OSBPL7: variants seen among roughly 807,000 people sequenced by gnomAD.
The protein encoded by OSBPL7 is oxysterol-binding protein-related protein 7.
OSBPL7 carries 66 observed loss-of-function variants against 115.8 expected under a neutral mutation model. The observed-to-expected ratio is 0.57, with a 90% CI of 0.47 to 0.70. The LOEUF (loss-of-function observed/expected upper bound fraction) is 0.70. OSBPL7 is among the 30% of genes least tolerant of loss of function. The pLI is 0.00. For missense variants in OSBPL7, 902 were observed against 1,125.5 expected (o/e 0.80, Z 2.84); for synonymous variants, 441 against 439.2 (o/e 1.00, Z -0.05).
At position 47,807,420 on chromosome 17, in the gene OSBPL7, C is replaced by T. The variant is rs1330872088; in HGVS notation, c.*871G>A. On this transcript the variant is annotated 3_prime_UTR_variant, in exon 23 of 23. Transcript: ENST00000007414. ...TTGGAATGTCATAGCAATTCGCCCT[C>T]ATCAGAGGCAGACTGTGAGAAAGAG... The T allele has an allele frequency of 6.6e-6, 1 of 152,650 alleles. No homozygotes were observed. Among genetic ancestry groups the T allele is most frequent in the African/African-American group, 2.4e-5 (1 of 41,448 alleles). 9.5% of individuals were successfully genotyped at this position (152,650 alleles called of 1,614,324 possible).
Position 47,815,218 on chromosome 17 carries a change from A to T in OSBPL7, c.1254T>A (p.Asn418Lys). Residue 418 changes from asparagine to lysine, a missense_variant, in exon 13 of 23, where the codon AAT becomes AAA. Asn to Lys is a moderately conservative substitution (Grantham distance 94). Around this residue, in one of 3 missense-constraint regions of OSBPL7, gnomAD observed 667 missense variants for 788.7 expected, o/e 0.85. Transcript: ENST00000007414. ...GCCAGCTTCTCTCCTCCCTCACCTC[A>T]TTCTCAGAAGAGCTGGCGGAGAGGA... ...EVLLSASSSE[N>K]EGSEEEESCT... 6.2e-7 allele frequency: 1 copy of T among 1,611,994 alleles called. No homozygotes were observed. The highest frequency in any genetic ancestry group is 8.5e-7 in the Non-Finnish European group (1 of 1,178,628).
intron 1 of OSBPL7, chr17:47,820,574 G>C (rs1424418802): frequency 3.0e-6 from 1 of 338,574 alleles, no homozygotes. Flanking sequence ...CACAGCAGAC[G>C]GGCAGGTGCC....
Position 47,814,501 on chromosome 17 carries a change from C to T in OSBPL7, c.1351+20G>A. 2 of 1,352,890 alleles carry T rather than the reference C, an allele frequency of 1.5e-6. No homozygotes were observed. Among genetic ancestry groups the T allele is most frequent in the Non-Finnish European group, 2.1e-6 (2 of 954,578 alleles). 83.8% of individuals were successfully genotyped at this position (1,352,890 alleles called of 1,614,324 possible). A position where few individuals can be genotyped will look rare whatever the true frequency, so the allele number is the denominator to read the frequency against. On this transcript the variant is annotated intron_variant, in intron 14 of 22. Transcript: ENST00000007414. ...TCCACCCGCCTCCCACCCCTCCCTGCCTGCCCACCCAGCTGGCACCTTTCT... is the reference window on the plus strand; with the variant it reads ...TCCACCCGCCTCCCACCCCTCCCTGTCTGCCCACCCAGCTGGCACCTTTCT...
In OSBPL7 at chr17:47,808,220, C is replaced by T. The variant is rs2032916031; in HGVS notation, c.*71G>A. The T allele has an allele frequency of 1.6e-6, 2 of 1,240,088 alleles. No homozygotes were observed. The highest frequency in any genetic ancestry group is 1.2e-6 in the Non-Finnish European group (1 of 857,458). 76.8% of individuals were successfully genotyped at this position (1,240,088 alleles called of 1,614,324 possible). Reference sequence around the variant, plus strand: ...AGTGAGGCGGGGAGCCCGGCCTCACCCATGTGTCCATGGTAGGGGGTGGAG... The same window carrying T: ...AGTGAGGCGGGGAGCCCGGCCTCACTCATGTGTCCATGGTAGGGGGTGGAG... On this transcript the variant is annotated 3_prime_UTR_variant, in exon 23 of 23. Transcript: ENST00000007414. The surrounding 1 kb of genome is among the most constrained non-coding windows in gnomAD (Gnocchi z 6.1).
intron 7 of OSBPL7, 122 bp downstream of exon 7, chr17:47,818,147 G>A (rs2033282489): frequency 4.9e-6 from 4 of 823,722 alleles, no homozygotes; most frequent in Non-Finnish European, 7.6e-6. Context: ...GATCTCCTTG[G>A]AGGCAGAGGC....
At chr17:47,814,871 G>A in intron 13 of OSBPL7, 1 of 572,112 alleles carries the variant, frequency 1.7e-6, no homozygotes. Flanking sequence ...GACACAGAGG[G>A]AAGGGAAGTT....
intron 7 of OSBPL7, 117 bp from the exon 8 acceptor site, chr17:47,817,476 G>A (rs1454737486): frequency 9.2e-6 from 6 of 649,150 alleles, no homozygotes; most frequent in African/African-American, 1.9e-5. Context: ...TGCAACCTCT[G>A]CCTCCCAGGT....
rs752746056 is a variant in OSBPL7, at chr17:47,815,207, T to C, written c.1257+8A>G. The C allele has an allele frequency of 1.2e-6, 2 of 1,602,776 alleles. No individual in the cohort carries two copies. The highest frequency in any genetic ancestry group is 2.7e-5 in the African/African-American group (2 of 74,868). On this transcript the variant is annotated splice_region_variant and intron_variant, in intron 13 of 22. Coordinates refer to ENST00000007414, the MANE Select transcript of OSBPL7 (RefSeq NM_145798.3). The stretch of plus-strand genomic sequence containing the variant: ...CCCGCCTCACTGCCAGCTTCTCTCC[T>C]CCCTCACCTCATTCTCAGAAGAGCT...
chr17:47,812,197 C>A (rs183866371), intron 16 of OSBPL7, among the ~76,000 whole-genome samples: 2 of 152,190 alleles, frequency 1.3e-5, no homozygotes, highest in East Asian at 1.9e-4. Context: ...GTAATCCAGT[C>A]TCTGTCCCCA....
intron 16 of OSBPL7, among the ~76,000 whole-genome samples, chr17:47,812,685 T>G (rs915875339): frequency 6.6e-6 from 1 of 152,162 alleles, no homozygotes; most frequent in African/African-American, 2.4e-5. Flanking sequence ...ACAGCCTAAG[T>G]GCAGGGACTC....
chr17:47,814,610 G>A lies in OSBPL7; in HGVS notation c.1262C>T (p.Ser421Leu), dbSNP rs764708102. 4 of 1,613,744 alleles carry A rather than the reference G, an allele frequency of 2.5e-6. No individual in the cohort carries two copies. The highest frequency in any genetic ancestry group is 1.7e-5 in the Admixed American group (1 of 59,984). Reference sequence around the variant, plus strand: ...ACTGGTACAGGACTCCTCCTCCTCTGAGCCCTGGGCCAGGACAGATGACAG... The same window carrying A: ...ACTGGTACAGGACTCCTCCTCCTCTAAGCCCTGGGCCAGGACAGATGACAG... ...LSASSSENEG[S>L]EEEESCTSEI... is the part of the protein sequence containing the mutation. The change falls in exon 14 of 23, where the codon TCA becomes TTA. Residue 421 changes from serine (S) to leucine (L), a missense_variant. Ser to Leu is a moderately radical substitution (Grantham distance 145). This residue lies in a region of OSBPL7 where 667 missense variants were observed against 788.7 expected (regional missense o/e 0.85). Transcript: ENST00000007414.
At chr17:47,819,855 A>G in intron 3 of OSBPL7, 73 bp from the exon 4 acceptor site, 29 of 1,610,214 alleles carry the variant, frequency 1.8e-5, no homozygotes, top group Non-Finnish European at 2.5e-5. Context: ...GCAACCACAC[A>G]AATTAGCTTT....
intron 3 of OSBPL7, 38 bp downstream of exon 3, chr17:47,819,933 C>A: frequency 6.3e-7 from 1 of 1,586,068 alleles, no homozygotes; most frequent in South Asian, 1.1e-5. Flanking sequence ...CCACCCCGCC[C>A]CCCATGTCTG....
chr17:47,812,037 TCCAA>T (rs2033058870), intron 16 of OSBPL7, among the ~76,000 whole-genome samples: 1 of 134,890 alleles, frequency 7.4e-6, no homozygotes, highest in Admixed American at 7.2e-5. Context: ...ACACTTCAAA[TCCAA>T]ACAAACAAAC....
chr17:47,814,485 C>CAA, intron 14 of OSBPL7, 36 bp downstream of exon 14: 30 of 1,089,480 alleles, frequency 2.8e-5, no homozygotes, highest in East Asian at 7.4e-5. Flanking sequence ...TTCCACCCGC[C>CAA]TCCCACCCCT....
intron 14 of OSBPL7, 40 bp downstream of exon 14, chr17:47,814,481 C>T: frequency 9.8e-7 from 1 of 1,023,918 alleles, no homozygotes; most frequent in Non-Finnish European, 1.5e-6. Flanking sequence ...GTTTTTCCAC[C>T]CGCCTCCCAC....
At chr17:47,817,442 T>C (rs1210721938) in intron 7 of OSBPL7, 83 bp from the exon 8 acceptor site, 11 of 934,466 alleles carry the variant, frequency 1.2e-5, no homozygotes, top group Non-Finnish European at 1.6e-5. Flanking sequence ...CAGGCTAGAG[T>C]GGAATGGCGT....
rs777587999 is a variant in OSBPL7 at position 47,820,135 on chromosome 17, C to A, written c.76-39G>T. 5 of 1,613,250 alleles carry A rather than the reference C, an allele frequency of 3.1e-6. No individual in the cohort carries two copies. In the Admixed American group the frequency reaches 5.0e-5, roughly 16 times the overall value. ...CAGAGGGAGGGGAGCACTGGTGAGA[C>A]GTCCGCCTTGGCCCCTCCCTGTCTG... is the stretch of plus-strand genomic sequence containing the variant. On this transcript the variant is annotated intron_variant, in intron 2 of 22. Transcript: ENST00000007414.
At position 47,808,191 on chromosome 17, in the gene OSBPL7, G is replaced by A; in HGVS notation, c.*100C>T. ...GCCAGGGCTGCCCCTTTGGTCTCAA[G>A]GGCAGTGAGGCGGGGAGCCCGGCCT... On this transcript the variant is annotated 3_prime_UTR_variant, in exon 23 of 23. Transcript: ENST00000007414. The surrounding 1 kb of genome is among the most constrained non-coding windows in gnomAD (Gnocchi z 6.1). 2.2e-6 allele frequency: 2 copies of A among 904,870 alleles called. No homozygotes were observed. Among genetic ancestry groups the A allele is most frequent in the Non-Finnish European group, 3.4e-6 (2 of 582,098 alleles). The allele number at this position is 904,870 out of a possible 1,614,324, so 56.1% of individuals were successfully genotyped here. A position where few individuals can be genotyped will look rare whatever the true frequency, so the allele number is the denominator to read the frequency against.
Sources: gnomAD v4.1 joint callset for allele counts (sites outside exome capture counted in the v4.1 genomes callset) on GRCh38, gnomAD v4.1.1 for gene constraint, gnomAD v4.1.1 regional missense constraint, Gnocchi (gnomAD v3.1) non-coding constraint, MANE v1.5 for transcripts, NCBI Gene and HGNC (gene_info 2026-07-23, HGNC 2026-07-21) for gene names.